Variants in DLGAP1 observed in about 807,000 individuals in gnomAD.
DLGAP1 encodes the protein disks large-associated protein 1.
Under a neutral mutation model 90.8 loss-of-function variants are expected in DLGAP1, and 11 were observed. The ratio of observed to expected loss-of-function variants is 0.12; its 90% CI spans 0.08 to 0.20. The LOEUF (loss-of-function observed/expected upper bound fraction) is 0.20. Among genes scored for constraint, DLGAP1 ranks in the 10% least tolerant of loss-of-function variants. DLGAP1 has a pLI of 1.00. For missense variants in DLGAP1, 1,050 were observed against 1,333.8 expected, an observed-to-expected ratio of 0.79 and a Z score of 3.31; for synonymous variants, 558 against 540.7, an observed-to-expected ratio of 1.03 and a Z score of -0.44.
chr18:4,147,571 T>TTCCATCCA (rs140010625), intron 2 of DLGAP1, among the ~76,000 whole-genome samples: 365 of 147,888 alleles, frequency 2.5e-3, no homozygotes, highest in East Asian at 4.6e-3. Context: ...TCATCCATTC[T>TTCCATCCA]TCCATCCATC....
At chr18:3,583,426 A>G (rs1024372786) in intron 7 of DLGAP1, among the ~76,000 whole-genome samples, 1 of 149,278 alleles carries the variant, frequency 6.7e-6, no homozygotes, top group Non-Finnish European at 1.5e-5. Context: ...CACCTTGCCT[A>G]TCTCTCTCTC....
intron 2 of DLGAP1, among the ~76,000 whole-genome samples, chr18:4,149,888 TCTTTCTG>T (rs2076645941): frequency 6.6e-6 from 1 of 152,000 alleles, no homozygotes; most frequent in African/African-American, 2.4e-5. Flanking sequence ...CAACTAAGTG[TCTTTCTG>T]CTTTCTACCC....
At position 4,378,989 on chromosome 18, in the gene DLGAP1, C is replaced by T. The variant is rs572591855; in HGVS notation, c.-267+76017G>A. Among the ~76,000 whole-genome samples the T allele has an allele frequency of 4.6e-5, 7 of 152,214 alleles. No individual in the cohort carries two copies. The highest frequency in any genetic ancestry group is 1.4e-4 in the African/African-American group (6 of 41,540). On this transcript the variant is annotated intron_variant, in intron 1 of 12. Coordinates refer to ENST00000315677, the MANE Select transcript of DLGAP1 (RefSeq NM_004746.4). The surrounding 1 kb of genome is among the most constrained non-coding windows in gnomAD (Gnocchi z 4.5). ...GTTCACAGCATGTGATCTCCTGTGC[C>T]GCGTGACCACAGTTGATAGGACCAA... is the stretch of plus-strand genomic sequence containing the variant.
intron 4 of DLGAP1, among the ~76,000 whole-genome samples, chr18:3,859,158 C>T (rs1157266122): frequency 2.0e-5 from 3 of 152,168 alleles, no homozygotes; most frequent in Non-Finnish European, 4.4e-5. Context: ...AATGGACATG[C>T]TGCCTAACTA....
At chr18:3,888,613 G>C (rs1359571696) in intron 3 of DLGAP1, among the ~76,000 whole-genome samples, 1 of 151,358 alleles carries the variant, frequency 6.6e-6, no homozygotes, top group African/African-American at 2.4e-5. Flanking sequence ...ACAGTAGGCA[G>C]CACAATTACA....
intron 1 of DLGAP1, among the ~76,000 whole-genome samples, chr18:4,351,993 C>A (rs1435328491): frequency 2.0e-5 from 3 of 152,084 alleles, no homozygotes; most frequent in Admixed American, 1.3e-4. Context: ...TGGAATAAAA[C>A]CATGAGGTGC....
intron 10 of DLGAP1, among the ~76,000 whole-genome samples, chr18:3,515,872 G>A (rs2050814690): frequency 6.6e-6 from 1 of 151,730 alleles, no homozygotes; most frequent in Non-Finnish European, 1.5e-5. Flanking sequence ...AAGCCTTTGT[G>A]GTCATTTCAA....
At chr18:4,260,324 G>T (rs948987565) in intron 1 of DLGAP1, among the ~76,000 whole-genome samples, 1 of 152,126 alleles carries the variant, frequency 6.6e-6, no homozygotes, top group African/African-American at 2.4e-5. Context: ...ATATTTGAGG[G>T]GTTACAGTTA....
chr18:3,601,009 G>GAGAT (rs1423408266), intron 7 of DLGAP1, among the ~76,000 whole-genome samples: 2 of 118,950 alleles, frequency 1.7e-5, no homozygotes, highest in African/African-American at 7.1e-5. Context: ...TATAGATATA[G>GAGAT]ATAGATATAT....
intron 5 of DLGAP1, among the ~76,000 whole-genome samples, chr18:3,797,612 C>G (rs1014111867): frequency 2.6e-5 from 4 of 152,154 alleles, no homozygotes; most frequent in African/African-American, 9.7e-5. Flanking sequence ...CTGTTAAAGG[C>G]TGGTGAGCAT....
At chr18:4,202,019 G>C (rs2077617459) in intron 1 of DLGAP1, among the ~76,000 whole-genome samples, 2 of 152,024 alleles carry the variant, frequency 1.3e-5, no homozygotes, top group African/African-American at 4.8e-5. Flanking sequence ...AGACCCCTGA[G>C]CTTTTATGTT....
chr18:3,766,699 TAAAC>T (rs764787547), intron 5 of DLGAP1, among the ~76,000 whole-genome samples: 3 of 151,934 alleles, frequency 2.0e-5, no homozygotes, highest in Admixed American at 1.3e-4. Context: ...ACGCGGAAAT[TAAAC>T]AATGCAAAGC....
At chr18:4,452,373 A>G (rs2083856277) in intron 1 of DLGAP1, among the ~76,000 whole-genome samples, 1 of 152,182 alleles carries the variant, frequency 6.6e-6, no homozygotes. Flanking sequence ...ATTAAGTTGT[A>G]GATGAAACTA....
chr18:3,656,161 C>T (rs2059475872), intron 7 of DLGAP1: 1 of 1,505,272 alleles, frequency 6.6e-7, no homozygotes, highest in Non-Finnish European at 9.0e-7. Flanking sequence ...CCCAAATCGC[C>T]TTTTCCAGGC....
At chr18:3,652,163 C>CAAAAA (rs756445206) in intron 7 of DLGAP1, among the ~76,000 whole-genome samples, 44 of 93,326 alleles carry the variant, frequency 4.7e-4, no homozygotes, top group African/African-American at 1.3e-3. Context: ...GACTCTGTAT[C>CAAAAA]AAAAAAAAAA....
intron 1 of DLGAP1, among the ~76,000 whole-genome samples, chr18:4,215,885 A>C (rs2077943920): frequency 6.6e-6 from 1 of 152,130 alleles, no homozygotes; most frequent in South Asian, 2.1e-4. Context: ...AGGAAGATGC[A>C]GACTGAAAAT....
In DLGAP1 at chr18:3,729,125, G is replaced by T; in HGVS notation, c.1591+10C>A. The stretch of plus-strand genomic sequence containing the variant: ...CAGGGGCCAGGCTGGCTGAGGGCCC[G>T]CGCACTCACCCGTGCTGCTCTGGAT... On this transcript the variant is annotated intron_variant, in intron 7 of 12. Transcript: ENST00000315677. The surrounding 1 kb of genome is among the most constrained non-coding windows in gnomAD (Gnocchi z 6.2). 6.3e-7 allele frequency: 1 copy of T among 1,597,588 alleles called. No individual in the cohort carries two copies.
chr18:4,189,482 G>T (rs2077356287), intron 1 of DLGAP1, among the ~76,000 whole-genome samples: 1 of 152,024 alleles, frequency 6.6e-6, no homozygotes, highest in Non-Finnish European at 1.5e-5. Context: ...ATCAAAGAAG[G>T]TCTAAATAAA....
intron 5 of DLGAP1, among the ~76,000 whole-genome samples, chr18:3,746,556 A>T (rs2063278469): frequency 6.6e-6 from 1 of 152,212 alleles, no homozygotes; most frequent in Admixed American, 6.5e-5. Flanking sequence ...ACATATTTGC[A>T]ACACTAAGCA....
Sources: gnomAD v4.1 joint callset for allele counts (sites outside exome capture counted in the v4.1 genomes callset) on GRCh38, gnomAD v4.1.1 for gene constraint, Gnocchi (gnomAD v3.1) non-coding constraint, MANE v1.5 for transcripts, NCBI Gene and HGNC (gene_info 2026-07-23, HGNC 2026-07-21) for gene names.